NDUFA13: variants seen among roughly 807,000 people sequenced by gnomAD.
NDUFA13 encodes the protein NADH:ubiquinone oxidoreductase subunit A13.
In NDUFA13, 16 loss-of-function variants were observed where a neutral mutation model predicts 17.0. The observed-to-expected ratio is 0.94, with a 90% confidence interval of 0.64 to 1.43. The LOEUF is 1.43. Among genes scored for constraint, NDUFA13 ranks in the 40% most tolerant of loss-of-function variants. The probability of loss-of-function intolerance (pLI) is 0.00; values close to 1 mark genes in which losing one functional copy is unlikely to be tolerated. For synonymous variants in NDUFA13, 87 were observed against 78.4 expected (o/e 1.11, Z -0.58); for missense variants, 228 against 206.7 (o/e 1.10, Z -0.63).
chr19:19,526,357 C>T lies in NDUFA13; in HGVS notation c.173+97C>T, dbSNP rs933703504. On this transcript the variant is annotated intron_variant, in intron 2 of 4. Coordinates refer to ENST00000507754, the MANE Select transcript of NDUFA13 (RefSeq NM_015965.7). ...GTTGTCTGTGCTGGCGAGGGGTGAA[C>T]GGGCCCCTTGGACTTGGCTGTGCAA... is the stretch of plus-strand genomic sequence containing the variant. The T allele has an allele frequency of 1.4e-4, 197 of 1,366,410 alleles. No individual in the cohort carries two copies. The East Asian group carries it at 4.0e-3, about 28-fold the overall frequency. The allele number at this position is 1,366,410 out of a possible 1,614,324, so 84.6% of individuals were successfully genotyped here.
At chr19:19,521,842 T>G (rs2061079512) in intron 1 of NDUFA13, among the ~76,000 whole-genome samples, 1 of 151,780 alleles carries the variant, frequency 6.6e-6, no homozygotes, top group Admixed American at 6.6e-5. Context: ...GACCTCGTGA[T>G]CCGCCCGCCT....
chr19:19,526,302 C>G, intron 2 of NDUFA13, 42 bp downstream of exon 2: 3 of 1,604,756 alleles, frequency 1.9e-6, no homozygotes, highest in Non-Finnish European at 2.6e-6. Flanking sequence ...GCCCCCCCGG[C>G]GAGTTGTCGG....
chr19:19,526,501 T>C, intron 2 of NDUFA13: 1 of 564,906 alleles, frequency 1.8e-6, no homozygotes, highest in Non-Finnish European at 3.2e-6. Context: ...GAGCATTGCT[T>C]GAGCCCAGGA....
chr19:19,525,171 C>T (rs777914033), intron 1 of NDUFA13, among the ~76,000 whole-genome samples: 1 of 152,218 alleles, frequency 6.6e-6, no homozygotes, highest in Non-Finnish European at 1.5e-5. Flanking sequence ...CCTCTGAGCC[C>T]GGACCCAGCA....
chr19:19,524,225 G>A (rs1310931737), intron 1 of NDUFA13, among the ~76,000 whole-genome samples: 1 of 152,232 alleles, frequency 6.6e-6, no homozygotes, highest in African/African-American at 2.4e-5. Context: ...CTGGGGCCTT[G>A]GCCCCCCTGT....
At chr19:19,518,172 C>G (rs1205482524) in intron 1 of NDUFA13, among the ~76,000 whole-genome samples, 3 of 150,516 alleles carry the variant, frequency 2.0e-5, no homozygotes, top group African/African-American at 7.3e-5. Context: ...TGAGTGCTGT[C>G]CCAGAACACA....
In NDUFA13 at chr19:19,519,045, A is replaced by ATTTTTTTTTTTTTTTTTT. The variant is rs71170693; in HGVS notation, c.94+2730_94+2731insTTTTTTTTTTTTTTTTTT. 1.3e-3 allele frequency among the ~76,000 whole-genome samples: 145 copies of ATTTTTTTTTTTTTTTTTT among 114,830 alleles called. 2 individuals carry two copies. Among genetic ancestry groups the ATTTTTTTTTTTTTTTTTT allele is most frequent in the African/African-American group, 3.8e-3 (101 of 26,274 alleles). The allele number at this position is 114,830 out of a possible 152,430, so 75.3% of individuals were successfully genotyped here. ...AGGTGTGAGCCACTGGGCCCGGCCT[A>ATTTTTTTTTTTTTTTTTT]TTTTTTTTTTTTTTTTTGTATTTTT... On this transcript the variant is annotated intron_variant, in intron 1 of 4. Coordinates refer to ENST00000507754, the MANE Select transcript of NDUFA13 (RefSeq NM_015965.7).
chr19:19,526,132 G>A, intron 1 of NDUFA13, 50 bp from the exon 2 acceptor site: 1 of 1,604,554 alleles, frequency 6.2e-7, no homozygotes, highest in Non-Finnish European at 8.5e-7. Flanking sequence ...AGCTGTGGAG[G>A]AGGGTGTCTG....
intron 1 of NDUFA13, among the ~76,000 whole-genome samples, chr19:19,519,209 G>A (rs146835196): frequency 9.9e-4 from 151 of 152,114 alleles, no homozygotes; most frequent in African/African-American, 3.5e-3. Flanking sequence ...TTCTTCTCCG[G>A]TGTAACCTGG....
intron 1 of NDUFA13, among the ~76,000 whole-genome samples, chr19:19,518,846 G>A (rs1307623609): frequency 1.4e-5 from 2 of 144,258 alleles, no homozygotes; most frequent in Admixed American, 1.5e-4. Context: ...AGGTTTAAGC[G>A]ATTCTCCTGT....
At chr19:19,518,729 ATT>A (rs566386690) in intron 1 of NDUFA13, among the ~76,000 whole-genome samples, 232 of 34,082 alleles carry the variant, frequency 6.8e-3, no homozygotes, top group South Asian at 0.037. Flanking sequence ...ATGCCCTGCG[ATT>A]TTTTTTTTTT....
Position 19,526,445 on chromosome 19 carries a change from G to T in NDUFA13, c.173+185G>T, listed in dbSNP as rs550482561. ...TTCCACTTCTAGGCTCTGTCCTCGA[G>T]ATGTCTCCATGTCTGCAATCCCAGC... On this transcript the variant is annotated intron_variant, in intron 2 of 4. Transcript: ENST00000507754. The T allele has an allele frequency of 7.0e-5, 48 of 683,788 alleles. No homozygotes were observed. The African/African-American group carries it at 7.2e-4, about 10-fold the overall frequency. 42.4% of individuals were successfully genotyped at this position (683,788 alleles called of 1,614,324 possible). A position where few individuals can be genotyped will look rare whatever the true frequency, so the allele number is the denominator to read the frequency against.
At position 19,526,442 on chromosome 19, in the gene NDUFA13, C is replaced by T. The variant is rs570847668; in HGVS notation, c.173+182C>T. 1.4e-4 allele frequency: 98 copies of T among 684,362 alleles called. No homozygotes were observed. The East Asian group carries it at 1.9e-3, about 13-fold the overall frequency. 42.4% of individuals were successfully genotyped at this position (684,362 alleles called of 1,614,324 possible). ...CACTTCCACTTCTAGGCTCTGTCCT[C>T]GAGATGTCTCCATGTCTGCAATCCC... On this transcript the variant is annotated intron_variant, in intron 2 of 4. Transcript: ENST00000507754.
At chr19:19,521,274 A>G (rs917955128) in intron 1 of NDUFA13, among the ~76,000 whole-genome samples, 3 of 108,706 alleles carry the variant, frequency 2.8e-5, no homozygotes, top group Non-Finnish European at 5.7e-5. Flanking sequence ...AGTTTTTTAA[A>G]ATTCTTTTTG....
At chr19:19,518,981 T>A (rs1010498487) in intron 1 of NDUFA13, among the ~76,000 whole-genome samples, 5 of 151,456 alleles carry the variant, frequency 3.3e-5, no homozygotes, top group Non-Finnish European at 7.4e-5. Context: ...TGACCTCAGA[T>A]GATCTGCCCG....
intron 2 of NDUFA13, among the ~76,000 whole-genome samples, chr19:19,526,949 G>A (rs2061102572): frequency 6.6e-6 from 1 of 152,202 alleles, no homozygotes; most frequent in African/African-American, 2.4e-5. Flanking sequence ...GAGGCCCAGA[G>A]CCCCGTGATG....
rs1468603994 is a variant in NDUFA13, at chr19:19,526,278, C to T, written c.173+18C>T. On this transcript the variant is annotated intron_variant, in intron 2 of 4. Coordinates refer to ENST00000507754, the MANE Select transcript of NDUFA13 (RefSeq NM_015965.7). ...GAGCGCAGGTAGGGCCCCTGGTGGGCGTTGTCTGAAAGTGCCCCCCCGGCG... is the reference window on the plus strand; with the variant it reads ...GAGCGCAGGTAGGGCCCCTGGTGGGTGTTGTCTGAAAGTGCCCCCCCGGCG... 2.2e-5 allele frequency: 35 copies of T among 1,613,386 alleles called. 2 individuals carry two copies. In the South Asian group the frequency reaches 3.2e-4, roughly 15 times the overall value.
intron 1 of NDUFA13, among the ~76,000 whole-genome samples, chr19:19,524,685 A>T (rs1411055447): frequency 6.6e-6 from 1 of 152,134 alleles, no homozygotes. Context: ...GGGCGCCTGT[A>T]GTCCCAACTA....
At chr19:19,527,828 T>G in intron 4 of NDUFA13, 58 bp downstream of exon 4, 1 of 1,525,404 alleles carries the variant, frequency 6.6e-7, no homozygotes, top group Non-Finnish European at 8.9e-7. Flanking sequence ...GGCCTGGGGT[T>G]GGGGAGCTCC....
Sources: allele counts gnomAD v4.1 joint callset (sites outside exome capture counted in the v4.1 genomes callset), GRCh38; gene constraint gnomAD v4.1.1; transcripts MANE v1.5; gene names NCBI Gene and HGNC (gene_info 2026-07-23, HGNC 2026-07-21).